The following TRIM5 variants were observed in gnomAD, a reference collection of about 807,000 sequenced individuals.
TRIM5 encodes tripartite motif-containing protein 5.
In TRIM5, 31 loss-of-function variants were observed where a neutral mutation model predicts 35.6. The ratio of observed to expected loss-of-function variants is 0.87; its 90% confidence interval spans 0.65 to 1.18. The LOEUF (loss-of-function observed/expected upper bound fraction) is 1.18, where lower values mean the gene tolerates loss of function less well. TRIM5 is among the 50% of genes most tolerant of loss of function. TRIM5 has a pLI of 0.00. For missense variants in TRIM5, 609 were observed against 591.6 expected, an observed-to-expected ratio of 1.03 and a Z score of -0.31; for synonymous variants, 243 against 215.6, an observed-to-expected ratio of 1.13 and a Z score of -1.11.
the TRIM5 span, chr11:5,610,505 C>T: frequency 2.5e-6 from 4 of 1,614,020 alleles, no homozygotes; most frequent in Non-Finnish European, 3.4e-6. Flanking sequence ...TGGTCCTATT[C>T]AACATTATTG....
the TRIM5 span, among the ~76,000 whole-genome samples, chr11:5,622,375 G>A: frequency 1.3e-5 from 2 of 151,846 alleles, no homozygotes; most frequent in African/African-American, 2.4e-5. Flanking sequence ...AACCCGGCAG[G>A]CGGAGCTTGT....
the TRIM5 span, chr11:5,632,337 T>C: frequency 1.2e-6 from 2 of 1,614,050 alleles, no homozygotes; most frequent in Non-Finnish European, 1.7e-6. Flanking sequence ...GTGCAATGGC[T>C]TCAAAAATCT....
At chr11:5,681,104 G>A (rs1027067249) in intron 1 of TRIM5, among the ~76,000 whole-genome samples, 4 of 152,026 alleles carry the variant, frequency 2.6e-5, no homozygotes, top group Admixed American at 2.6e-4. Flanking sequence ...GGTGTAGAGG[G>A]TGATGATAGA....
the TRIM5 span, among the ~76,000 whole-genome samples, chr11:5,615,260 A>G: frequency 6.6e-6 from 1 of 152,218 alleles, no homozygotes; most frequent in African/African-American, 2.4e-5. Flanking sequence ...CCTGGGGTAC[A>G]GTGTTCAATT....
chr11:5,633,338 T>A, the TRIM5 span, among the ~76,000 whole-genome samples: 1 of 152,054 alleles, frequency 6.6e-6, no homozygotes, highest in East Asian at 1.9e-4. Context: ...GGTACACTCT[T>A]GTGTATTCCT....
At chr11:5,684,024 C>G (rs1051162847) in intron 1 of TRIM5, 2 of 154,384 alleles carry the variant, frequency 1.3e-5, no homozygotes, top group African/African-American at 4.8e-5. Context: ...CCAGCGAGAC[C>G]ACGAACCCAC....
At chr11:5,654,984 A>G in the TRIM5 span, among the ~76,000 whole-genome samples, 1 of 152,098 alleles carries the variant, frequency 6.6e-6, no homozygotes, top group South Asian at 2.1e-4. Context: ...TGAGGTCAGG[A>G]GTTCAAGATC....
At chr11:5,681,216 T>C (rs1475457123) in intron 1 of TRIM5, among the ~76,000 whole-genome samples, 3 of 152,176 alleles carry the variant, frequency 2.0e-5, no homozygotes, top group Non-Finnish European at 4.4e-5. Context: ...TTAGATGAGA[T>C]GATTCTGTTC....
intron 4 of TRIM5, among the ~76,000 whole-genome samples, chr11:5,672,045 T>C (rs539715034): frequency 3.9e-5 from 6 of 152,026 alleles, no homozygotes; most frequent in Non-Finnish European, 5.9e-5. Context: ...TCTGAAATAA[T>C]AGATGAGAGA....
chr11:5,632,018 T>C, the TRIM5 span, among the ~76,000 whole-genome samples: 12 of 152,122 alleles, frequency 7.9e-5, no homozygotes, highest in Non-Finnish European at 1.6e-4. Flanking sequence ...TTGAAAAAAG[T>C]ATAAACGAAA....
At chr11:5,608,754 T>G in the TRIM5 span, among the ~76,000 whole-genome samples, 5 of 151,884 alleles carry the variant, frequency 3.3e-5, no homozygotes, top group South Asian at 4.1e-4. Context: ...ACCCTGTTAG[T>G]GTACTTTTCC....
intron 4 of TRIM5, among the ~76,000 whole-genome samples, chr11:5,673,464 C>T (rs1249760347): frequency 6.6e-6 from 1 of 151,968 alleles, no homozygotes; most frequent in African/African-American, 2.4e-5. Flanking sequence ...GGAAAACTGA[C>T]AACTCAATAA....
chr11:5,665,202 T>C lies in TRIM5; in HGVS notation c.1089A>G (p.Val363=), dbSNP rs1590222557. ...SITSGKHYWE[V]DVSKKTAWIL... is the part of the protein sequence containing the mutation. Reference sequence around the variant, plus strand: ...TCCAAGCAGTTTTCTTGGACACGTCTACCTCCCAGTAATGTTTCCCTGATG... The same window carrying C: ...TCCAAGCAGTTTTCTTGGACACGTCCACCTCCCAGTAATGTTTCCCTGATG... The change falls in exon 8 of 8, where the codon GTA becomes GTG. Residue 363 remains valine (V), a synonymous_variant. Transcript: ENST00000380034. 2 of 1,614,190 alleles carry C rather than the reference T, an allele frequency of 1.2e-6. No individual in the cohort carries two copies. Among genetic ancestry groups the C allele is most frequent in the Non-Finnish European group, 1.7e-6 (2 of 1,180,024 alleles).
the TRIM5 span, among the ~76,000 whole-genome samples, chr11:5,651,843 GGTGGGAGAT>G: frequency 2.0e-5 from 3 of 152,108 alleles, no homozygotes; most frequent in Admixed American, 2.0e-4. Flanking sequence ...CATTTAGACT[GGTGGGAGAT>G]GGTATCTCAT....
At chr11:5,610,932 G>A in the TRIM5 span, 37 of 1,614,024 alleles carry the variant, frequency 2.3e-5, no homozygotes, top group Non-Finnish European at 3.1e-5. Context: ...CTTCTCCTCT[G>A]GTAAGCATTA....
the TRIM5 span, among the ~76,000 whole-genome samples, chr11:5,645,511 A>C: frequency 6.6e-6 from 1 of 152,238 alleles, no homozygotes; most frequent in South Asian, 2.1e-4. Context: ...TGAATAGGTT[A>C]AAATTAACAA....
At chr11:5,682,699 G>A (rs1281163299) in intron 1 of TRIM5, among the ~76,000 whole-genome samples, 1 of 152,098 alleles carries the variant, frequency 6.6e-6, no homozygotes, top group Admixed American at 6.5e-5. Context: ...AGAGTGTTAA[G>A]TTACCCCCTC....
At chr11:5,654,344 T>C in the TRIM5 span, among the ~76,000 whole-genome samples, 8 of 152,340 alleles carry the variant, frequency 5.3e-5, no homozygotes, top group South Asian at 1.2e-3. Context: ...ACAGTTTTGA[T>C]TGAGTAGGGT....
chr11:5,671,199 A>G (rs745462071), intron 4 of TRIM5, among the ~76,000 whole-genome samples: 7 of 152,072 alleles, frequency 4.6e-5, no homozygotes, highest in African/African-American at 1.7e-4. Context: ...ACATACTAGC[A>G]TGGGCAACAG....
Sources: gnomAD v4.1 joint callset for allele counts (sites outside exome capture counted in the v4.1 genomes callset) on GRCh38, gnomAD v4.1.1 for gene constraint, MANE v1.5 for transcripts, NCBI Gene and HGNC (gene_info 2026-07-23, HGNC 2026-07-21) for gene names.